The following CCDC187 variants were observed in gnomAD, a reference collection of about 807,000 sequenced individuals.
The protein encoded by CCDC187 is coiled-coil domain-containing protein 187.
A neutral mutation model predicts 38.0 loss-of-function variants in CCDC187; 32 were observed. The ratio of observed to expected loss-of-function variants is 0.84; its 90% CI spans 0.64 to 1.13. The LOEUF is 1.13. CCDC187 is among the 50% of genes most tolerant of loss of function. The pLI, the probability that CCDC187 is intolerant of heterozygous loss-of-function variation, is 0.00. For missense variants in CCDC187, 707 were observed against 786.8 expected (o/e 0.90, Z 1.21); for synonymous variants, 333 against 347.9 (o/e 0.96, Z 0.48).
rs1221422522 is a variant in CCDC187 at position 136,290,600 on chromosome 9, C to G, written c.2013G>C (p.Arg671Ser). 7.5e-6 allele frequency: 3 copies of G among 398,508 alleles called. No homozygotes were observed. Among genetic ancestry groups the G allele is most frequent in the Non-Finnish European group, 1.3e-5 (3 of 226,064 alleles). 24.7% of individuals were successfully genotyped at this position (398,508 alleles called of 1,614,324 possible). A position where few individuals can be genotyped will look rare whatever the true frequency, so the allele number is the denominator to read the frequency against. ...ALRTRELRSRRLQEVYRQQRE... is the reference protein window; with the variant it reads ...ALRTRELRSRSLQEVYRQQRE... Reference sequence around the variant, plus strand: ...TCTGCTGCCGGTAGACCTCCTGCAGCCTCCGGCTCCTCAGCTCCCGTGTGC... The same window carrying G: ...TCTGCTGCCGGTAGACCTCCTGCAGGCTCCGGCTCCTCAGCTCCCGTGTGC... Residue 671 changes from arginine to serine, a missense_variant, in exon 6 of 26, where the codon AGG (arginine) becomes AGC (serine). Transcript: ENST00000638797.
In CCDC187 at chr9:136,292,215, G is replaced by A. The variant is rs1043750546; in HGVS notation, c.913C>T (p.Arg305Cys). The change falls in exon 5 of 26, where the codon CGC (arginine) becomes TGC (cysteine). Residue 305 changes from arginine to cysteine, a missense_variant. Physicochemically the swap from Arg to Cys is radical, Grantham distance 180. Transcript: ENST00000638797. ...GAGGGATCCTTGCTATGGTGCCTGC[G>A]GAGGACGGGAGGGGGCCCAAGCAGC... Reference protein sequence around the residue: ...RSLLGPPPVLRRHHSKDPSRD... With the variant: ...RSLLGPPPVLCRHHSKDPSRD... The A allele has an allele frequency of 8.0e-5, 32 of 398,828 alleles. No individual in the cohort carries two copies. Among genetic ancestry groups the A allele is most frequent in the East Asian group, 1.8e-4 (5 of 28,066 alleles). The allele number at this position is 398,828 out of a possible 1,614,324, so 24.7% of individuals were successfully genotyped here. A position where few individuals can be genotyped will look rare whatever the true frequency, so the allele number is the denominator to read the frequency against.
chr9:136,305,324 GC>G (rs1831783389), upstream of CCDC187, among the ~76,000 whole-genome samples: 1 of 152,338 alleles, frequency 6.6e-6, no homozygotes, highest in South Asian at 2.1e-4. Flanking sequence ...CAGGGAACCA[GC>G]GGTGTGACCA....
intron 4 of CCDC187, among the ~76,000 whole-genome samples, chr9:136,293,427 T>A (rs1204563401): frequency 0.19 from 7,168 of 38,228 alleles, 388 homozygotes; most frequent in Non-Finnish European, 0.22. Flanking sequence ...TCACATACTC[T>A]CACATGCTCA....
At position 136,260,104 on chromosome 9, in the gene CCDC187, G is replaced by A. The variant is rs575187686; in HGVS notation, c.4210+15C>T. On this transcript the variant is annotated intron_variant, in intron 20 of 25. Transcript: ENST00000638797. ...ATCCGTCTGACCCTGGGCGGTCGCCGCGGCTGCTCATTACCTTGACTGACA... is the reference window on the plus strand; with the variant it reads ...ATCCGTCTGACCCTGGGCGGTCGCCACGGCTGCTCATTACCTTGACTGACA... 12 of 985,404 alleles carry A rather than the reference G, an allele frequency of 1.2e-5. No individual in the cohort carries two copies. The highest frequency in any genetic ancestry group is 1.1e-4 in the East Asian group (1 of 8,794). The allele number at this position is 985,404 out of a possible 1,614,324, so 61.0% of individuals were successfully genotyped here. A position where few individuals can be genotyped will look rare whatever the true frequency, so the allele number is the denominator to read the frequency against.
chr9:136,261,827 C>T (rs145577321), intron 19 of CCDC187, among the ~76,000 whole-genome samples: 2 of 152,354 alleles, frequency 1.3e-5, no homozygotes, highest in African/African-American at 4.8e-5. Context: ...GGGCTGCTGG[C>T]CCTGGGGGCC....
chr9:136,255,532 C>G (rs1401621657), intron 25 of CCDC187, 125 bp downstream of exon 25: 1 of 293,040 alleles, frequency 3.4e-6, no homozygotes, highest in Non-Finnish European at 5.1e-6. Context: ...AGCCCCCCAG[C>G]TAGGCAGTGG....
intron 3 of CCDC187, 104 bp downstream of exon 3, chr9:136,300,116 C>A (rs1383153445): frequency 2.5e-6 from 1 of 396,602 alleles, no homozygotes; most frequent in East Asian, 3.6e-5. Flanking sequence ...TCCTCCCTGA[C>A]CCTCAGTGTC....
rs928714540 is a variant in CCDC187 at position 136,290,664 on chromosome 9, C to G, written c.1949G>C (p.Arg650Pro). The G allele has an allele frequency of 2.5e-6, 1 of 398,496 alleles. No individual in the cohort carries two copies. Among genetic ancestry groups the G allele is most frequent in the Non-Finnish European group, 4.4e-6 (1 of 225,990 alleles). The allele number at this position is 398,496 out of a possible 1,614,324, so 24.7% of individuals were successfully genotyped here. A position where few individuals can be genotyped will look rare whatever the true frequency, so the allele number is the denominator to read the frequency against. Residue 650 changes from arginine (R) to proline (P), a missense_variant, in exon 6 of 26, where the codon CGG becomes CCG. Coordinates refer to ENST00000638797, the MANE Select transcript of CCDC187 (RefSeq NM_001378188.1). ...REFMRQKAQA[R>P]RRQALEEKAS... The stretch of plus-strand genomic sequence containing the variant: ...CTTCTCCTCCAGGGCCTGCCGCCGC[C>G]GGGCCTGCGCCTTCTGGCGCATGAA...
intron 5 of CCDC187, among the ~76,000 whole-genome samples, chr9:136,291,954 A>G (rs1831341670): frequency 6.6e-6 from 1 of 152,204 alleles, no homozygotes; most frequent in Admixed American, 6.5e-5. Context: ...CAGGGCCAGA[A>G]ACCCTTTTCT....
chr9:136,254,694 C>A lies in CCDC187; in HGVS notation c.5134G>T (p.Ala1712Ser), dbSNP rs111377826. 1.0e-6 allele frequency: 1 copy of A among 985,214 alleles called. No homozygotes were observed. The highest frequency in any genetic ancestry group is 1.8e-5 in the African/African-American group (1 of 57,082). 61.0% of individuals were successfully genotyped at this position (985,214 alleles called of 1,614,324 possible). A position where few individuals can be genotyped will look rare whatever the true frequency, so the allele number is the denominator to read the frequency against. ...AAGGAGGAGCCACGCAGGGGGCCGG[C>A]CCTGCGGCCCTGGGGCCTCTGCCAG... ...VTWQRPQGRR[A>S]GPLRGSSLDT... The change falls in exon 26 of 26, where the codon GCC becomes TCC. Residue 1712 changes from alanine to serine, a missense_variant. Transcript: ENST00000638797.
chr9:136,254,729 C>T lies in CCDC187; in HGVS notation c.5099G>A (p.Gly1700Glu), dbSNP rs574856805. The T allele has an allele frequency of 5.1e-4, 504 of 985,434 alleles. No homozygotes were observed. Among genetic ancestry groups the T allele is most frequent in the Non-Finnish European group, 5.9e-4 (491 of 830,000 alleles). The allele number at this position is 985,434 out of a possible 1,614,324, so 61.0% of individuals were successfully genotyped here. A position where few individuals can be genotyped will look rare whatever the true frequency, so the allele number is the denominator to read the frequency against. Residue 1700 changes from glycine (G) to glutamate (E), a missense_variant, in exon 26 of 26, where the codon GGA (glycine) becomes GAA (glutamate). Transcript: ENST00000638797. ...PRPGSAPGGG[G>E]WVTWQRPQGR... ...CTGGGGCCTCTGCCAGGTCACCCAT[C>T]CTCCACCCCCAGGAGCACTGCCTGG...
At position 136,264,585 on chromosome 9, in the gene CCDC187, C is replaced by T. The variant is rs77532953; in HGVS notation, c.3736-787G>A. 5.6e-4 allele frequency among the ~76,000 whole-genome samples: 86 copies of T among 152,274 alleles called. No individual in the cohort carries two copies. Among genetic ancestry groups the T allele is most frequent in the African/African-American group, 2.0e-3 (83 of 41,554 alleles). Reference sequence around the variant, plus strand: ...TGCATGGGTCTGTGGCCTGGGTCTCCGCCCCCAGCTCCCTTGCCTGTAATG... The same window carrying T: ...TGCATGGGTCTGTGGCCTGGGTCTCTGCCCCCAGCTCCCTTGCCTGTAATG... On this transcript the variant is annotated intron_variant, in intron 17 of 25. Coordinates refer to ENST00000638797, the MANE Select transcript of CCDC187 (RefSeq NM_001378188.1). The surrounding 1 kb of genome is among the most constrained non-coding windows in gnomAD (Gnocchi z 4.3).
Position 136,264,670 on chromosome 9 carries a change from TC to T in CCDC187, c.3736-873del, listed in dbSNP as rs1830723757. Among the ~76,000 whole-genome samples the T allele has an allele frequency of 6.6e-6, 1 of 151,942 alleles. No homozygotes were observed. The highest frequency in any genetic ancestry group is 2.4e-5 in the African/African-American group (1 of 41,366). On this transcript the variant is annotated intron_variant, in intron 17 of 25. Coordinates refer to ENST00000638797, the MANE Select transcript of CCDC187 (RefSeq NM_001378188.1). This position sits in a 1 kb window ranked among gnomAD's most constrained non-coding sequence, Gnocchi z 4.3. The stretch of plus-strand genomic sequence containing the variant: ...AGGGCATCCAGGGCAGGGATGGGGA[TC>T]CCGGGGCTTTCCAGTCAACATAAGG...
intron 4 of CCDC187, among the ~76,000 whole-genome samples, chr9:136,295,339 G>C (rs1362240435): frequency 6.6e-6 from 1 of 152,186 alleles, no homozygotes; most frequent in Non-Finnish European, 1.5e-5. Context: ...CCCGCCAGAG[G>C]GTCCCGCTCG....
intron 18 of CCDC187, among the ~76,000 whole-genome samples, 171 bp downstream of exon 18, chr9:136,263,451 G>A (rs112220237): frequency 5.9e-5 from 9 of 152,206 alleles, no homozygotes; most frequent in African/African-American, 1.7e-4. Flanking sequence ...AGCCAGGATG[G>A]TCTCCATCTC....
Position 136,290,809 on chromosome 9 carries a change from G to T in CCDC187, c.1804C>A (p.Pro602Thr). ...TGAGGGAAGCTCCCGGTGGGCCTTGGCAGGGCATGCTTGGCAGCCGAGACG... is the reference window on the plus strand; with the variant it reads ...TGAGGGAAGCTCCCGGTGGGCCTTGTCAGGGCATGCTTGGCAGCCGAGACG... ...SPVSAAKHAL[P>T]RPTGSFPQNP... is the part of the protein sequence containing the mutation. Residue 602 changes from proline to threonine, a missense_variant, in exon 6 of 26, where the codon CCA (proline) becomes ACA (threonine). Transcript: ENST00000638797. 2.5e-6 allele frequency: 1 copy of T among 398,534 alleles called. No individual in the cohort carries two copies. The highest frequency in any genetic ancestry group is 4.4e-6 in the Non-Finnish European group (1 of 225,988). 24.7% of individuals were successfully genotyped at this position (398,534 alleles called of 1,614,324 possible).
intron 9 of CCDC187, among the ~76,000 whole-genome samples, chr9:136,282,800 G>C (rs926358732): frequency 6.6e-6 from 1 of 152,256 alleles, no homozygotes; most frequent in African/African-American, 2.4e-5. Context: ...AGGGGAGCTG[G>C]ACGTGTGCCC....
Position 136,258,396 on chromosome 9 carries a change from G to C in CCDC187, c.4366+536C>G, listed in dbSNP as rs1830640485. On this transcript the variant is annotated intron_variant, in intron 22 of 25. Coordinates refer to ENST00000638797, the MANE Select transcript of CCDC187 (RefSeq NM_001378188.1). This position sits in a 1 kb window ranked among gnomAD's most constrained non-coding sequence, Gnocchi z 4.3. ...GGGCCTTCTGAATTCGGCACCCAGG[G>C]CTGGTCAGGGAGCTCCGAGGTGGCA... Among the ~76,000 whole-genome samples, 1 of 152,166 alleles carries C rather than the reference G, an allele frequency of 6.6e-6. No individual in the cohort carries two copies. Among genetic ancestry groups the C allele is most frequent in the Non-Finnish European group, 1.5e-5 (1 of 68,014 alleles).
At chr9:136,293,766 A>T (rs1831445729) in intron 4 of CCDC187, among the ~76,000 whole-genome samples, 1 of 152,034 alleles carries the variant, frequency 6.6e-6, no homozygotes, top group Non-Finnish European at 1.5e-5. Context: ...ACACACTGAC[A>T]TGCTCACACA....
Sources: allele counts gnomAD v4.1 joint callset (sites outside exome capture counted in the v4.1 genomes callset), GRCh38; gene constraint gnomAD v4.1.1; non-coding constraint Gnocchi (gnomAD v3.1); transcripts MANE v1.5; gene names NCBI Gene and HGNC (gene_info 2026-07-23, HGNC 2026-07-21).